Variants in GNB5 observed in about 807,000 individuals in gnomAD.
GNB5 encodes G protein subunit beta 5.
A neutral mutation model predicts 55.3 loss-of-function variants in GNB5; 37 were observed. The observed-to-expected ratio is 0.67, with a 90% CI of 0.51 to 0.88. The LOEUF is 0.88. GNB5 is among the 40% of genes least tolerant of loss of function. The pLI, the probability that GNB5 is intolerant of heterozygous loss-of-function variation, is 0.00. For synonymous variants in GNB5, 219 were observed against 198.5 expected, an observed-to-expected ratio of 1.10 and a Z score of -0.87; for missense variants, 476 against 515.3, an observed-to-expected ratio of 0.92 and a Z score of 0.74.
intron 4 of GNB5, among the ~76,000 whole-genome samples, chr15:52,152,496 G>A (rs1224931928): frequency 6.7e-6 from 1 of 149,158 alleles, no homozygotes; most frequent in Non-Finnish European, 1.5e-5. Context: ...GCTAATTTTT[G>A]TATTTTTTAG....
chr15:52,189,526 G>A (rs530046676), intron 1 of GNB5, among the ~76,000 whole-genome samples: 5 of 152,264 alleles, frequency 3.3e-5, no homozygotes, highest in African/African-American at 1.2e-4. Flanking sequence ...GTTGCAGTGA[G>A]CCAAGATCGC....
chr15:52,131,548 G>A (rs74884334), intron 9 of GNB5, among the ~76,000 whole-genome samples: 1,677 of 152,164 alleles, frequency 0.011, 24 homozygotes, highest in African/African-American at 0.039. Context: ...ATACACAGGG[G>A]CTTATTTTTG....
At position 52,116,571 on chromosome 15, in the gene GNB5, C is replaced by G. The variant is rs985767081; in HGVS notation, c.*6186G>C. On this transcript the variant is annotated 3_prime_UTR_variant, in exon 13 of 13. Transcript: ENST00000261837. ...GCATATTAATCCCTTAAATGTCTAT[C>G]ATTTGTGTTGGGAATGTGAAAGTTG... 1 of 151,938 alleles carries G rather than the reference C, an allele frequency of 6.6e-6. No individual in the cohort carries two copies. The highest frequency in any genetic ancestry group is 2.4e-5 in the African/African-American group (1 of 41,262). The allele number at this position is 151,938 out of a possible 1,614,324, so 9.4% of individuals were successfully genotyped here.
At chr15:52,126,220 G>A in intron 10 of GNB5, 176 bp from the exon 11 acceptor site, 1 of 550,888 alleles carries the variant, frequency 1.8e-6, no homozygotes, top group South Asian at 2.5e-5. Flanking sequence ...TAATTTCTAT[G>A]AGTCAGTAAA....
intron 9 of GNB5, chr15:52,128,636 T>C: frequency 2.0e-6 from 1 of 491,192 alleles, no homozygotes; most frequent in Admixed American, 2.3e-5. Context: ...GCACTGACCA[T>C]TTACTACCTG....
chr15:52,180,716 G>A (rs992165606), intron 2 of GNB5: 2 of 152,216 alleles, frequency 1.3e-5, no homozygotes, highest in African/African-American at 2.4e-5. Context: ...GTTCTGCCAG[G>A]ATGCACGTTT....
chr15:52,159,661 T>C (rs1476174560), intron 3 of GNB5, among the ~76,000 whole-genome samples: 6 of 152,156 alleles, frequency 3.9e-5, no homozygotes, highest in Non-Finnish European at 8.8e-5. Context: ...TTCCAGAATC[T>C]CTACTATGTG....
intron 9 of GNB5, among the ~76,000 whole-genome samples, chr15:52,130,569 T>C (rs1044954148): frequency 6.6e-6 from 1 of 152,264 alleles, no homozygotes; most frequent in Non-Finnish European, 1.5e-5. Context: ...TAAGAATTCA[T>C]AAATACTTTA....
chr15:52,156,239 T>A (rs1046158001), intron 3 of GNB5, among the ~76,000 whole-genome samples: 2 of 152,252 alleles, frequency 1.3e-5, no homozygotes, highest in African/African-American at 4.8e-5. Flanking sequence ...CAGGTTCCCA[T>A]GACCTTCTGA....
At chr15:52,149,490 G>A (rs920816650) in intron 5 of GNB5, 29 of 466,772 alleles carry the variant, frequency 6.2e-5, no homozygotes, top group East Asian at 3.5e-4. Flanking sequence ...CACCCTCCAC[G>A]TGTTCATTCC....
At chr15:52,142,441 A>G (rs1383804106) in intron 6 of GNB5, among the ~76,000 whole-genome samples, 1 of 152,062 alleles carries the variant, frequency 6.6e-6, no homozygotes, top group Non-Finnish European at 1.5e-5. Context: ...CCTCCTTCCC[A>G]GTATCACTGT....
intron 9 of GNB5, among the ~76,000 whole-genome samples, chr15:52,131,128 G>C (rs1359678945): frequency 6.6e-6 from 1 of 152,228 alleles, no homozygotes; most frequent in Non-Finnish European, 1.5e-5. Flanking sequence ...GCCCAGCTGA[G>C]TGTGTGCATT....
chr15:52,119,320 A>G lies in GNB5; in HGVS notation c.*3437T>C, dbSNP rs1596044332. ...AGGGAGGAGGTGATGAGAGGGAGGGAGGAGGGGTGACAGGAGGAAGGGAGG... is the reference window on the plus strand; with the variant it reads ...AGGGAGGAGGTGATGAGAGGGAGGGGGGAGGGGTGACAGGAGGAAGGGAGG... On this transcript the variant is annotated 3_prime_UTR_variant, in exon 13 of 13. Coordinates refer to ENST00000261837, the MANE Select transcript of GNB5 (RefSeq NM_016194.4). 1.9e-5 allele frequency: 1 copy of G among 53,608 alleles called. No individual in the cohort carries two copies. 3.3% of individuals were successfully genotyped at this position (53,608 alleles called of 1,614,324 possible). A position where few individuals can be genotyped will look rare whatever the true frequency, so the allele number is the denominator to read the frequency against.
At chr15:52,167,738 T>C (rs1033450390) in intron 3 of GNB5, among the ~76,000 whole-genome samples, 6 of 150,160 alleles carry the variant, frequency 4.0e-5, no homozygotes, top group Non-Finnish European at 8.9e-5. Flanking sequence ...GGTGCAAAAA[T>C]CATCAATAAA....
chr15:52,137,631 A>G, intron 7 of GNB5: 1 of 1,138,226 alleles, frequency 8.8e-7, no homozygotes, highest in African/African-American at 1.6e-5. Flanking sequence ...AGACATGGGG[A>G]CAGGGCTGGA....
chr15:52,184,734 G>A, intron 1 of GNB5, 40 bp from the exon 2 acceptor site: 1 of 1,562,080 alleles, frequency 6.4e-7, no homozygotes, highest in Non-Finnish European at 8.8e-7. Context: ...TGTGAGAAAA[G>A]CCAATGGTTT....
chr15:52,156,066 T>C (rs192857429), intron 3 of GNB5, among the ~76,000 whole-genome samples: 1 of 152,346 alleles, frequency 6.6e-6, no homozygotes, highest in East Asian at 1.9e-4. Context: ...TAGTCAGCTT[T>C]CTAAGGAGGA....
chr15:52,163,467 C>T (rs534715349), intron 3 of GNB5, among the ~76,000 whole-genome samples: 54 of 152,312 alleles, frequency 3.5e-4, no homozygotes, highest in Admixed American at 3.5e-3. Context: ...ACGTTGGAGA[C>T]GGCCTGAGAC....
rs1555403840 is a variant in GNB5 at position 52,117,103 on chromosome 15, T to TATATATATTTATATA, written c.*5653_*5654insTATATAAATATATAT. 11 of 96,092 alleles carry TATATATATTTATATA rather than the reference T, an allele frequency of 1.1e-4. 1 individual carries two copies. The highest frequency in any genetic ancestry group is 1.1e-3 in the Admixed American group (11 of 9,702). 6.0% of individuals were successfully genotyped at this position (96,092 alleles called of 1,614,324 possible). On this transcript the variant is annotated 3_prime_UTR_variant, in exon 13 of 13. Coordinates refer to ENST00000261837, the MANE Select transcript of GNB5 (RefSeq NM_016194.4). ...CACGCCCAGCTAATATATATATATA[T>TATATATATTTATATA]TTTTTTTTAGTACAGACAGGGTTTC...
Sources: allele counts gnomAD v4.1 joint callset (sites outside exome capture counted in the v4.1 genomes callset), GRCh38; gene constraint gnomAD v4.1.1; transcripts MANE v1.5; gene names NCBI Gene and HGNC (gene_info 2026-07-23, HGNC 2026-07-21).